The following ROBO2 variants were observed in gnomAD, a reference collection of about 807,000 sequenced individuals.
ROBO2 encodes roundabout homolog 2.
Under a neutral mutation model 160.8 loss-of-function variants are expected in ROBO2, and 53 were observed. That is an observed-to-expected ratio of 0.33 (90% CI 0.26 to 0.41). The LOEUF (loss-of-function observed/expected upper bound fraction) is 0.41. Among genes scored for constraint, ROBO2 ranks in the 10% least tolerant of loss-of-function variants. ROBO2 has a pLI of 1.00. For synonymous variants in ROBO2, 664 were observed against 611.7 expected (o/e 1.09, Z -1.26); for missense variants, 1,577 against 1,722.4 (o/e 0.92, Z 1.49).
intron 2 of ROBO2, among the ~76,000 whole-genome samples, chr3:76,032,323 ATTTTTTGAGGGG>A (rs1462883503): frequency 5.9e-5 from 9 of 151,894 alleles, no homozygotes; most frequent in Non-Finnish European, 1.2e-4. Flanking sequence ...GGATTCATTG[ATTTTTTGAGGGG>A]TTTTTTGTGT....
exon 18 of ROBO2, chr3:77,595,173 G>GAGC (rs748942090): frequency 2.5e-6 from 4 of 1,611,496 alleles, no homozygotes. Context: ...GAGGACTAAT[G>GAGC]AGCAATGGAA....
intron 2 of ROBO2, among the ~76,000 whole-genome samples, chr3:77,118,068 T>A (rs1420392241): frequency 1.3e-5 from 2 of 152,224 alleles, no homozygotes; most frequent in Non-Finnish European, 2.9e-5. Context: ...CTTTTTACAA[T>A]GTGATATAAT....
intron 2 of ROBO2, among the ~76,000 whole-genome samples, chr3:77,296,224 G>A (rs913179169): frequency 6.7e-6 from 1 of 150,130 alleles, no homozygotes; most frequent in Non-Finnish European, 1.5e-5. Flanking sequence ...GGGAAGTTGA[G>A]GCTAGAACAG....
chr3:77,205,068 G>C (rs1041520678), intron 2 of ROBO2, among the ~76,000 whole-genome samples: 16 of 152,268 alleles, frequency 1.1e-4, no homozygotes, highest in African/African-American at 3.8e-4. Flanking sequence ...GATGCCTGGG[G>C]CTCCAGTGTT....
chr3:77,371,980 G>A (rs185690156), intron 2 of ROBO2, among the ~76,000 whole-genome samples: 2 of 152,250 alleles, frequency 1.3e-5, no homozygotes, highest in East Asian at 3.9e-4. Flanking sequence ...TCCATTCCAG[G>A]ATTTGAGTTA....
At chr3:76,237,813 G>A (rs916210022) in intron 2 of ROBO2, among the ~76,000 whole-genome samples, 12 of 152,116 alleles carry the variant, frequency 7.9e-5, no homozygotes, top group African/African-American at 2.4e-4. Flanking sequence ...AGATTGGAGC[G>A]GTAAGCAGGA....
intron 2 of ROBO2, among the ~76,000 whole-genome samples, chr3:76,801,538 A>G (rs2064194523): frequency 6.6e-6 from 1 of 151,778 alleles, no homozygotes; most frequent in South Asian, 2.1e-4. Flanking sequence ...CCCCATAAAT[A>G]TATAAATATA....
At chr3:77,325,901 C>G (rs550132543) in intron 2 of ROBO2, among the ~76,000 whole-genome samples, 1 of 152,292 alleles carries the variant, frequency 6.6e-6, no homozygotes, top group South Asian at 2.1e-4. Flanking sequence ...TGCAAACAAT[C>G]TGGTTCCAAG....
At chr3:77,537,648 G>A (rs1172472345) in intron 6 of ROBO2, among the ~76,000 whole-genome samples, 4 of 152,056 alleles carry the variant, frequency 2.6e-5, no homozygotes. Context: ...TATTGTATTA[G>A]TCTGTTCTCA....
intron 2 of ROBO2, among the ~76,000 whole-genome samples, chr3:76,290,006 G>GT (rs971600487): frequency 3.3e-5 from 5 of 151,768 alleles, no homozygotes; most frequent in Admixed American, 6.6e-5. Flanking sequence ...TTTTAGAATA[G>GT]TTTTTTTTCC....
At chr3:77,361,047 C>A (rs1178767752) in intron 2 of ROBO2, among the ~76,000 whole-genome samples, 1 of 152,128 alleles carries the variant, frequency 6.6e-6, no homozygotes, top group Non-Finnish European at 1.5e-5. Flanking sequence ...TTCTATCAGG[C>A]ATATCTATTG....
chr3:77,218,290 T>C (rs944612645), intron 2 of ROBO2, among the ~76,000 whole-genome samples: 30 of 152,194 alleles, frequency 2.0e-4, no homozygotes, highest in African/African-American at 6.8e-4. Flanking sequence ...TAATGTATTT[T>C]GTACATTTCT....
chr3:76,942,726 T>G (rs2078273559), intron 2 of ROBO2, among the ~76,000 whole-genome samples: 1 of 152,162 alleles, frequency 6.6e-6, no homozygotes, highest in South Asian at 2.1e-4. Context: ...CAACTACTAT[T>G]GCCTCTTTGA....
chr3:77,110,580 A>C (rs1188001829), intron 2 of ROBO2, among the ~76,000 whole-genome samples: 1 of 151,168 alleles, frequency 6.6e-6, no homozygotes, highest in Non-Finnish European at 1.5e-5. Flanking sequence ...AAACCTTACA[A>C]ATTATGCAAA....
At chr3:77,291,957 C>G (rs1383176131) in intron 2 of ROBO2, among the ~76,000 whole-genome samples, 2 of 151,656 alleles carry the variant, frequency 1.3e-5, no homozygotes, top group African/African-American at 2.4e-5. Flanking sequence ...TAAGCTGAGA[C>G]TAGATCACCC....
At chr3:76,926,074 G>T (rs2076972393) in intron 2 of ROBO2, among the ~76,000 whole-genome samples, 1 of 152,060 alleles carries the variant, frequency 6.6e-6, no homozygotes, top group African/African-American at 2.4e-5. Context: ...CTCCTATCTG[G>T]GAATTTTGGG....
chr3:77,097,626 T>C (rs886313265), intron 1 of ROBO2, among the ~76,000 whole-genome samples: 3 of 152,170 alleles, frequency 2.0e-5, no homozygotes, highest in Admixed American at 1.3e-4. Context: ...ATGCTATCTA[T>C]GTGTGTCTTC....
chr3:75,939,258 G>T (rs1481469398), intron 2 of ROBO2, among the ~76,000 whole-genome samples: 4 of 152,120 alleles, frequency 2.6e-5, no homozygotes, highest in Non-Finnish European at 4.4e-5. Context: ...GTATCACACA[G>T]GGTTGCTAAA....
At chr3:76,839,926 T>C (rs1334666308) in intron 2 of ROBO2, among the ~76,000 whole-genome samples, 1 of 152,214 alleles carries the variant, frequency 6.6e-6, no homozygotes, top group Non-Finnish European at 1.5e-5. Flanking sequence ...TTCGTCCATT[T>C]CTTTTAGATT....
Sources: allele counts gnomAD v4.1 joint callset (sites outside exome capture counted in the v4.1 genomes callset), GRCh38; gene constraint gnomAD v4.1.1; transcripts MANE v1.5; gene names NCBI Gene and HGNC (gene_info 2026-07-23, HGNC 2026-07-21).